Variants in CIZ1 observed in about 807,000 individuals in gnomAD.
The protein encoded by CIZ1 is CDKN1A interacting zinc finger protein 1, also known as cip1-interacting zinc finger protein.
In CIZ1, 58 loss-of-function variants were observed where a neutral mutation model predicts 118.6. The observed-to-expected ratio is 0.49, with a 90% CI of 0.40 to 0.61. The LOEUF (loss-of-function observed/expected upper bound fraction) is 0.61, where lower values mean the gene tolerates loss of function less well. CIZ1 is among the 20% of genes least tolerant of loss of function. The probability of loss-of-function intolerance (pLI) is 0.00; values close to 1 mark genes in which losing one functional copy is unlikely to be tolerated. For synonymous variants in CIZ1, 448 were observed against 443.4 expected (o/e 1.01, Z -0.13); for missense variants, 921 against 1,115.9 (o/e 0.83, Z 2.49).
At chr9:128,171,529 C>A (rs1343630882) in intron 11 of CIZ1, among the ~76,000 whole-genome samples, 1 of 150,550 alleles carries the variant, frequency 6.6e-6, no homozygotes, top group Non-Finnish European at 1.5e-5. Flanking sequence ...AGTTCAAGAC[C>A]AGCCTGACCA....
rs117801374 is a variant in CIZ1 at position 128,176,819 on chromosome 9, A to G, written c.1819-344T>C. 9.1e-4 allele frequency among the ~76,000 whole-genome samples: 139 copies of G among 152,208 alleles called. No individual in the cohort carries two copies. In the East Asian group the frequency reaches 0.023, roughly 25 times the overall value. ...ACAATGCGATCATGATTACTGCTACACTCACTTTGGGCCAGGCCTGCGCTC... is the reference window on the plus strand; with the variant it reads ...ACAATGCGATCATGATTACTGCTACGCTCACTTTGGGCCAGGCCTGCGCTC... On this transcript the variant is annotated intron_variant, in intron 10 of 16. Coordinates refer to ENST00000372938, the MANE Select transcript of CIZ1 (RefSeq NM_001131016.2).
At chr9:128,176,597 TTC>T in intron 10 of CIZ1, 122 bp from the exon 11 acceptor site, 1 of 1,012,212 alleles carries the variant, frequency 9.9e-7, no homozygotes, top group Non-Finnish European at 1.4e-6. Flanking sequence ...CACCACACAT[TTC>T]TCTCTTGTGT....
rs985711321 is a variant in CIZ1 at position 128,203,154 on chromosome 9, G to A, written c.-6+1032C>T. 2.0e-5 allele frequency among the ~76,000 whole-genome samples: 3 copies of A among 152,216 alleles called. No homozygotes were observed. The South Asian group carries it at 6.2e-4, about 32-fold the overall frequency. ...CTCTCCAAGAGGCCTGGTACTAGGA[G>A]TGAGACCCAACCCATTGACAAATAT... On this transcript the variant is annotated intron_variant, in intron 1 of 17. Coordinates refer to the CIZ1 transcript ENST00000372948. This position sits in a 1 kb window ranked among gnomAD's most constrained non-coding sequence, Gnocchi z 5.3.
At position 128,166,615 on chromosome 9, in the gene CIZ1, T is replaced by C. The variant is rs914856968; in HGVS notation, c.2487+144A>G. 5.2e-6 allele frequency: 6 copies of C among 1,157,648 alleles called. No homozygotes were observed. In the East Asian group the frequency reaches 1.4e-4, roughly 28 times the overall value. 71.7% of individuals were successfully genotyped at this position (1,157,648 alleles called of 1,614,324 possible). ...AATAAGAGCCCAACCCCACCCCAGC[T>C]CTAATTCTCTCCCTGTTGGTGCAGG... On this transcript the variant is annotated intron_variant, in intron 16 of 16. Transcript: ENST00000372938. The surrounding 1 kb of genome is among the most constrained non-coding windows in gnomAD (Gnocchi z 4.4).
At chr9:128,168,927 A>G in intron 14 of CIZ1, 125 bp downstream of exon 14, 1 of 1,301,278 alleles carries the variant, frequency 7.7e-7, no homozygotes, top group Non-Finnish European at 1.1e-6. Flanking sequence ...GACAGTAATC[A>G]GTTGTGGCAT....
At chr9:128,200,452 G>A (rs1182365850) in intron 1 of CIZ1, among the ~76,000 whole-genome samples, 1 of 151,918 alleles carries the variant, frequency 6.6e-6, no homozygotes, top group African/African-American at 2.4e-5. Flanking sequence ...GAGGTCAGGA[G>A]TTTGAGACCA....
chr9:128,174,109 C>T (rs1036968305), intron 11 of CIZ1, among the ~76,000 whole-genome samples: 2 of 152,082 alleles, frequency 1.3e-5, no homozygotes, highest in African/African-American at 2.4e-5. Context: ...AGGGAGGAGA[C>T]GGGCACCCCC....
rs978200196 is a variant in CIZ1 at position 128,166,386 on chromosome 9, G to A, written c.2508C>T (p.Asn836=). ...TCACAGGTCGGGTGGTGGGGCTGGG[G>A]TTCTTGGCCGCCTTGTATTTCTGGA... ...ENLQKYKAAK[N]PSPTTRPVSR... Residue 836 remains asparagine, a synonymous_variant, in exon 17 of 17, where the codon AAC becomes AAT. Coordinates refer to ENST00000372938, the MANE Select transcript of CIZ1 (RefSeq NM_001131016.2). This position sits in a 1 kb window ranked among gnomAD's most constrained non-coding sequence, Gnocchi z 4.4. 6.5e-7 allele frequency: 1 copy of A among 1,544,088 alleles called. No individual in the cohort carries two copies. The highest frequency in any genetic ancestry group is 8.8e-7 in the Non-Finnish European group (1 of 1,142,184).
At chr9:128,189,148 G>C (rs1013335408) in intron 3 of CIZ1, among the ~76,000 whole-genome samples, 1 of 152,028 alleles carries the variant, frequency 6.6e-6, no homozygotes, top group Non-Finnish European at 1.5e-5. Flanking sequence ...TGTTGCCCAA[G>C]CTGTTCTCGA....
intron 11 of CIZ1, among the ~76,000 whole-genome samples, chr9:128,174,972 G>A (rs756946033): frequency 1.3e-5 from 2 of 152,162 alleles, no homozygotes; most frequent in Non-Finnish European, 2.9e-5. Flanking sequence ...TGTTCTTGAT[G>A]GCCTCAGGGC....
chr9:128,184,484 T>C lies in CIZ1; in HGVS notation c.588+1063A>G, dbSNP rs112440622. Reference sequence around the variant, plus strand: ...CTTGTATTTTATTTCTACTGGGCAGTGCTGATTTTTTTTTTTTTTTTTTTT... The same window carrying C: ...CTTGTATTTTATTTCTACTGGGCAGCGCTGATTTTTTTTTTTTTTTTTTTT... On this transcript the variant is annotated intron_variant, in intron 5 of 16. Transcript: ENST00000372938. Among the ~76,000 whole-genome samples, 473 of 135,708 alleles carry C rather than the reference T, an allele frequency of 3.5e-3. 4 individuals are homozygous for C. The highest frequency in any genetic ancestry group is 0.012 in the African/African-American group (458 of 39,214). 89.0% of individuals were successfully genotyped at this position (135,708 alleles called of 152,430 possible).
At chr9:128,195,724 AAT>A (rs1312389955), upstream of CIZ1, among the ~76,000 whole-genome samples, 8 of 152,248 alleles carry the variant, frequency 5.3e-5, no homozygotes, top group African/African-American at 1.9e-4. Context: ...ATAGCTTTAG[AAT>A]ATGTTTACCC....
In CIZ1 at chr9:128,179,499, G is replaced by T. The variant is rs72756854; in HGVS notation, c.792-84C>A. On this transcript the variant is annotated intron_variant, in intron 7 of 16. Coordinates refer to ENST00000372938, the MANE Select transcript of CIZ1 (RefSeq NM_001131016.2). ...AAGTAAGGCCAAAACTAGGCCGAGC[G>T]TGGTGGCTCGCATCTGTAAACCCAG... The T allele has an allele frequency of 9.5e-6, 12 of 1,268,858 alleles. No individual in the cohort carries two copies. The African/African-American group carries it at 1.5e-4, about 16-fold the overall frequency. The allele number at this position is 1,268,858 out of a possible 1,614,324, so 78.6% of individuals were successfully genotyped here.
chr9:128,169,691 G>A (rs966864725), intron 12 of CIZ1, 172 bp from the exon 13 acceptor site: 3 of 1,536,694 alleles, frequency 2.0e-6, no homozygotes, highest in African/African-American at 2.7e-5. Context: ...TCTCTTCGTG[G>A]TGTGGGTGGC....
intron 14 of CIZ1, among the ~76,000 whole-genome samples, chr9:128,168,015 G>GC (rs923732699): frequency 1.2e-4 from 18 of 152,162 alleles, no homozygotes; most frequent in African/African-American, 2.2e-4. Context: ...AGGACTGCAG[G>GC]CCCCCCCACC....
chr9:128,190,308 G>A lies in CIZ1; in HGVS notation c.286+21C>T, dbSNP rs541372124. 5.8e-6 allele frequency: 9 copies of A among 1,551,598 alleles called. No individual in the cohort carries two copies. In the South Asian group the frequency reaches 1.0e-4, roughly 17 times the overall value. ...AGCTACCACTAAAAGAGACTGAGAAGAGGCCTGGGGCCATCCATACCTTGC... is the reference window on the plus strand; with the variant it reads ...AGCTACCACTAAAAGAGACTGAGAAAAGGCCTGGGGCCATCCATACCTTGC... On this transcript the variant is annotated intron_variant, in intron 3 of 16. Transcript: ENST00000372938.
At chr9:128,170,142 CG>C (rs1564246864) in intron 11 of CIZ1, 35 bp from the exon 12 acceptor site, 3 of 1,578,996 alleles carry the variant, frequency 1.9e-6, no homozygotes, top group Non-Finnish European at 2.6e-6. Context: ...TACAATGTGA[CG>C]CCAGAAAGAC....
At chr9:128,169,286 G>A in intron 13 of CIZ1, 85 bp from the exon 14 acceptor site, 2 of 1,232,544 alleles carry the variant, frequency 1.6e-6, no homozygotes, top group Non-Finnish European at 2.3e-6. Flanking sequence ...TCCCCTGAGA[G>A]TCCCAATCCC....
At chr9:128,192,021 G>T, upstream of CIZ1, 1 of 882,560 alleles carries the variant, frequency 1.1e-6, no homozygotes, top group Non-Finnish European at 1.6e-6. Context: ...GGGGTGGAGG[G>T]AGAGTCCCCC....
Sources: gnomAD v4.1 joint callset for allele counts (sites outside exome capture counted in the v4.1 genomes callset) on GRCh38, gnomAD v4.1.1 for gene constraint, Gnocchi (gnomAD v3.1) non-coding constraint, MANE v1.5 for transcripts, NCBI Gene and HGNC (gene_info 2026-07-23, HGNC 2026-07-21) for gene names.